IRAK1BP1: variants seen among roughly 807,000 people sequenced by gnomAD.
IRAK1BP1 encodes interleukin-1 receptor-associated kinase 1-binding protein 1.
Under a neutral mutation model 28.0 loss-of-function variants are expected in IRAK1BP1, and 24 were observed. The observed-to-expected ratio is 0.86, with a 90% CI of 0.62 to 1.20. The LOEUF (loss-of-function observed/expected upper bound fraction) is 1.20, where lower values mean the gene tolerates loss of function less well. Among genes scored for constraint, IRAK1BP1 ranks in the 50% most tolerant of loss-of-function variants. IRAK1BP1 has a pLI of 0.00. For synonymous variants in IRAK1BP1, 131 were observed against 116.3 expected (o/e 1.13, Z -0.81); for missense variants, 336 against 316.7 (o/e 1.06, Z -0.46).
chr6:78,886,605 A>C (rs1012213832), intron 2 of IRAK1BP1, among the ~76,000 whole-genome samples: 1 of 152,186 alleles, frequency 6.6e-6, no homozygotes, highest in Non-Finnish European at 1.5e-5. Context: ...TTCAGATTGT[A>C]ATAAATATAG....
downstream of IRAK1BP1, among the ~76,000 whole-genome samples, chr6:78,949,832 G>A (rs1451698346): frequency 1.3e-5 from 2 of 152,002 alleles, no homozygotes; most frequent in Non-Finnish European, 2.9e-5. Flanking sequence ...TGAACTATAG[G>A]TGCACGCCAC....
chr6:78,972,315 G>A, the IRAK1BP1 span, among the ~76,000 whole-genome samples: 2 of 152,150 alleles, frequency 1.3e-5, no homozygotes, highest in African/African-American at 4.8e-5. Flanking sequence ...GCAGCTGAGG[G>A]TCCTGTCTGT....
chr6:78,955,104 A>G, the IRAK1BP1 span: 2 of 885,882 alleles, frequency 2.3e-6, no homozygotes, highest in Non-Finnish European at 3.3e-6. Flanking sequence ...AAAAACATAC[A>G]TTTTGTAATT....
chr6:78,901,535 A>G lies in IRAK1BP1; in HGVS notation c.*3201A>G, dbSNP rs1202742013. 6.6e-6 allele frequency: 1 copy of G among 152,102 alleles called. No individual in the cohort carries two copies. Among genetic ancestry groups the G allele is most frequent in the East Asian group, 1.9e-4 (1 of 5,198 alleles). The allele number at this position is 152,102 out of a possible 1,614,324, so 9.4% of individuals were successfully genotyped here. On this transcript the variant is annotated 3_prime_UTR_variant, in exon 4 of 4. Coordinates refer to ENST00000369940, the MANE Select transcript of IRAK1BP1 (RefSeq NM_001010844.4). ...TCCTTCTTTTGAACTCTGTTTAAAAAAAAAAAAATCTTTCCAGAAAGTAGG... is the reference window on the plus strand; with the variant it reads ...TCCTTCTTTTGAACTCTGTTTAAAAGAAAAAAAATCTTTCCAGAAAGTAGG...
intron 4 of IRAK1BP1, among the ~76,000 whole-genome samples, chr6:78,914,478 C>T (rs930307017): frequency 2.6e-5 from 4 of 152,144 alleles, no homozygotes; most frequent in Admixed American, 6.5e-5. Flanking sequence ...ATGAGTGTTT[C>T]CCAAGATGCA....
the IRAK1BP1 span, among the ~76,000 whole-genome samples, chr6:78,972,286 AG>A: frequency 1.3e-5 from 2 of 152,166 alleles, no homozygotes; most frequent in South Asian, 2.1e-4. Flanking sequence ...CTCACACTGC[AG>A]GGTACTCCAA....
At chr6:78,965,801 A>T in the IRAK1BP1 span, 1 of 1,272,692 alleles carries the variant, frequency 7.9e-7, no homozygotes, top group Non-Finnish European at 1.1e-6. Flanking sequence ...AAAAAATCTA[A>T]ATTATTGTAT....
intron 4 of IRAK1BP1, among the ~76,000 whole-genome samples, chr6:78,912,132 C>T (rs922110878): frequency 6.6e-6 from 1 of 152,020 alleles, no homozygotes; most frequent in African/African-American, 2.4e-5. Context: ...CTTTTTTCAC[C>T]ATTATAGCTT....
At chr6:78,885,316 A>G in intron 1 of IRAK1BP1, 62 bp from the exon 2 acceptor site, 1 of 910,294 alleles carries the variant, frequency 1.1e-6, no homozygotes, top group South Asian at 1.4e-5. Context: ...TTTCTAATTT[A>G]TGTTTTAGAG....
chr6:78,902,597 C>T lies in IRAK1BP1; in HGVS notation c.*4263C>T, dbSNP rs1340785463. The T allele has an allele frequency of 1.3e-5, 2 of 159,340 alleles. No homozygotes were observed. The highest frequency in any genetic ancestry group is 2.8e-5 in the Non-Finnish European group (2 of 72,676). 9.9% of individuals were successfully genotyped at this position (159,340 alleles called of 1,614,324 possible). A position where few individuals can be genotyped will look rare whatever the true frequency, so the allele number is the denominator to read the frequency against. ...ACCAACCTGGCCAATATATTGAAACCCTGTCTCTTCTAAAAATACAGAAGT... is the reference window on the plus strand; with the variant it reads ...ACCAACCTGGCCAATATATTGAAACTCTGTCTCTTCTAAAAATACAGAAGT... On this transcript the variant is annotated 3_prime_UTR_variant, in exon 4 of 4. Transcript: ENST00000369940.
chr6:78,879,909 C>A (rs1304475279), intron 1 of IRAK1BP1, among the ~76,000 whole-genome samples: 1 of 152,116 alleles, frequency 6.6e-6, no homozygotes, highest in Non-Finnish European at 1.5e-5. Context: ...TGACATACAA[C>A]CTTTAAGTAG....
At chr6:78,954,308 G>A in the IRAK1BP1 span, among the ~76,000 whole-genome samples, 213 of 151,522 alleles carry the variant, frequency 1.4e-3, no homozygotes, top group African/African-American at 4.8e-3. Flanking sequence ...GGATTTCACC[G>A]TGTTAGCCAG....
intron 1 of IRAK1BP1, chr6:78,872,272 G>GT (rs1307019476): frequency 2.1e-6 from 1 of 484,070 alleles, no homozygotes; most frequent in Non-Finnish European, 3.6e-6. Flanking sequence ...TGTTAATGGT[G>GT]TTTTTTGGGA....
intron 4 of IRAK1BP1, among the ~76,000 whole-genome samples, chr6:78,922,876 G>C (rs989373760): frequency 6.6e-6 from 1 of 152,138 alleles, no homozygotes; most frequent in Non-Finnish European, 1.5e-5. Context: ...CAAATGCTGA[G>C]AGATTTTGTC....
Position 78,923,832 on chromosome 6 carries a change from G to A in IRAK1BP1, c.*67+20722G>A, listed in dbSNP as rs543721102. Among the ~76,000 whole-genome samples the A allele has an allele frequency of 3.9e-5, 6 of 152,232 alleles. No homozygotes were observed. The East Asian group carries it at 5.8e-4, about 15-fold the overall frequency. On this transcript the variant is annotated intron_variant and NMD_transcript_variant, in intron 4 of 4. Coordinates refer to the IRAK1BP1 transcript ENST00000606868. ...CCTGAGTGACTACTGGGTACATAAC[G>A]AAATGAAGGCAGAAATAAAGATGTT...
chr6:78,975,928 T>C, the IRAK1BP1 span, among the ~76,000 whole-genome samples: 1 of 149,820 alleles, frequency 6.7e-6, no homozygotes, highest in Admixed American at 6.6e-5. Context: ...AGAATCAATA[T>C]TGTGAAAATG....
chr6:78,962,661 C>A, the IRAK1BP1 span, among the ~76,000 whole-genome samples: 2 of 152,054 alleles, frequency 1.3e-5, no homozygotes, highest in Non-Finnish European at 2.9e-5. Flanking sequence ...CAAGGCAGAG[C>A]AATTAATATA....
chr6:78,897,852 T>G lies in IRAK1BP1; in HGVS notation c.405T>G (p.Phe135Leu). The G allele has an allele frequency of 6.2e-7, 1 of 1,613,436 alleles. No homozygotes were observed. The highest frequency in any genetic ancestry group is 8.5e-7 in the Non-Finnish European group (1 of 1,179,542). ...EAEVCITFTEFGKMQNICNFL... is the reference protein window; with the variant it reads ...EAEVCITFTELGKMQNICNFL... ...AGGTCTGCATTACATTTACTGAATT[T>G]GGAAAAATGCAAAATATTTGTAACT... Residue 135 changes from phenylalanine (F) to leucine (L), a missense_variant, in exon 3 of 4, where the codon TTT (phenylalanine) becomes TTG (leucine). Physicochemically the swap from Phe to Leu is conservative, Grantham distance 22 (BLOSUM62 0). Coordinates refer to ENST00000369940, the MANE Select transcript of IRAK1BP1 (RefSeq NM_001010844.4).
the IRAK1BP1 span, among the ~76,000 whole-genome samples, chr6:78,974,533 G>C: frequency 6.6e-6 from 1 of 151,780 alleles, no homozygotes; most frequent in African/African-American, 2.4e-5. Context: ...GATCAGAGCA[G>C]AACTGAAGGA....
Sources: allele counts gnomAD v4.1 joint callset (sites outside exome capture counted in the v4.1 genomes callset), GRCh38; gene constraint gnomAD v4.1.1; transcripts MANE v1.5; gene names NCBI Gene and HGNC (gene_info 2026-07-23, HGNC 2026-07-21).